SCFD2: variants seen among roughly 807,000 people sequenced by gnomAD.
SCFD2 encodes the protein sec1 family domain containing 2, also known as sec1 family domain-containing protein 2.
SCFD2 carries 54 observed loss-of-function variants against 58.9 expected under a neutral mutation model. The observed-to-expected ratio is 0.92, with a 90% CI of 0.74 to 1.15. SCFD2 has a LOEUF of 1.15. Ranked by LOEUF, SCFD2 falls within the 50% of genes most tolerant of loss-of-function variation. The pLI, the probability that SCFD2 is intolerant of heterozygous loss-of-function variation, is 0.00. For synonymous variants in SCFD2, 321 were observed against 335.9 expected (o/e 0.96, Z 0.49); for missense variants, 805 against 836.6 (o/e 0.96, Z 0.47).
chr4:53,173,610 A>G (rs566964568), intron 4 of SCFD2, among the ~76,000 whole-genome samples: 1 of 152,290 alleles, frequency 6.6e-6, no homozygotes, highest in African/African-American at 2.4e-5. Context: ...AGGACTTAAT[A>G]CTGCCACTTT....
At chr4:53,118,894 T>TG (rs1725397295) in intron 5 of SCFD2, among the ~76,000 whole-genome samples, 1 of 152,084 alleles carries the variant, frequency 6.6e-6, no homozygotes, top group South Asian at 2.1e-4. Flanking sequence ...CCATATCACA[T>TG]GGGGGAACAA....
At chr4:53,343,234 G>A (rs933501711) in intron 2 of SCFD2, among the ~76,000 whole-genome samples, 1 of 151,916 alleles carries the variant, frequency 6.6e-6, no homozygotes, top group African/African-American at 2.4e-5. Context: ...AAAGAGAGAA[G>A]AATCAAATAG....
At position 53,310,234 on chromosome 4, in the gene SCFD2, A is replaced by G. The variant is rs78223183; in HGVS notation, c.1135+3402T>C. 6.9e-3 allele frequency among the ~76,000 whole-genome samples: 1,052 copies of G among 152,360 alleles called. 16 individuals carry two copies. The highest frequency in any genetic ancestry group is 0.025 in the African/African-American group (1,019 of 41,588). On this transcript the variant is annotated intron_variant, in intron 3 of 8. Coordinates refer to ENST00000401642, the MANE Select transcript of SCFD2 (RefSeq NM_152540.4). ...TAATAAAGAAACAGAGGCATCAAGC[A>G]TAGAACACTCTTTCAAGAACTCTGG...
intron 5 of SCFD2, among the ~76,000 whole-genome samples, chr4:53,126,620 A>G (rs775180283): frequency 4.3e-4 from 66 of 152,204 alleles, no homozygotes; most frequent in Non-Finnish European, 8.1e-4. Context: ...CCATCCTCAC[A>G]CCGGTTTTTA....
intron 4 of SCFD2, among the ~76,000 whole-genome samples, chr4:53,243,470 C>T (rs1207274208): frequency 6.6e-6 from 1 of 151,954 alleles, no homozygotes; most frequent in Non-Finnish European, 1.5e-5. Context: ...ACAAGAATAT[C>T]TGAAAAAAAC....
intron 3 of SCFD2, among the ~76,000 whole-genome samples, chr4:53,306,696 C>T (rs1036808330): frequency 6.6e-6 from 1 of 152,136 alleles, no homozygotes; most frequent in African/African-American, 2.4e-5. Context: ...GATCCACACA[C>T]ACTTAACTAT....
chr4:53,106,694 C>T (rs1725013142), intron 5 of SCFD2, among the ~76,000 whole-genome samples: 1 of 152,034 alleles, frequency 6.6e-6, no homozygotes, highest in South Asian at 2.1e-4. Context: ...ACAAACAAAG[C>T]CTCCAAGGAA....
chr4:53,349,356 C>T (rs1734148856), intron 2 of SCFD2, among the ~76,000 whole-genome samples: 1 of 152,216 alleles, frequency 6.6e-6, no homozygotes. Flanking sequence ...ACATGACGTC[C>T]AAACATCGTG....
At chr4:53,086,274 T>C (rs573398270) in intron 5 of SCFD2, among the ~76,000 whole-genome samples, 2 of 152,232 alleles carry the variant, frequency 1.3e-5, no homozygotes, top group Admixed American at 1.3e-4. Context: ...AACAGGCACA[T>C]GAAAAGGTGT....
chr4:53,253,633 G>A lies in SCFD2; in HGVS notation c.1311+20193C>T, dbSNP rs180735588. 3.0e-4 allele frequency among the ~76,000 whole-genome samples: 45 copies of A among 149,780 alleles called. 1 individual carries two copies. Among genetic ancestry groups the A allele is most frequent in the African/African-American group, 6.6e-4 (27 of 40,744 alleles). ...AAATCATCATTCTCAGTAAACTATC[G>A]CAAGAACAAAAAACCAAACACCACA... is the stretch of plus-strand genomic sequence containing the variant. On this transcript the variant is annotated intron_variant, in intron 4 of 8. Coordinates refer to ENST00000401642, the MANE Select transcript of SCFD2 (RefSeq NM_152540.4).
chr4:53,302,463 A>G (rs1653402170), intron 3 of SCFD2, among the ~76,000 whole-genome samples: 1 of 152,208 alleles, frequency 6.6e-6, no homozygotes, highest in South Asian at 2.1e-4. Flanking sequence ...ACACAAACAA[A>G]TGGAAGAACA....
rs974899008 is a variant in SCFD2 at position 53,072,942 on chromosome 4, G to C, written c.1561+72391C>G. Among the ~76,000 whole-genome samples the C allele has an allele frequency of 2.3e-4, 35 of 152,030 alleles. 1 individual carries two copies. Among genetic ancestry groups the C allele is most frequent in the Admixed American group, 1.9e-3 (29 of 15,238 alleles). ...TTCATTAGTCCCTGAGATGTCCAGG[G>C]CTACCCTCACTTTTATGTCCTTTGA... On this transcript the variant is annotated intron_variant, in intron 5 of 8. Transcript: ENST00000401642.
chr4:53,188,701 T>C (rs1031187961), intron 4 of SCFD2, among the ~76,000 whole-genome samples: 4 of 152,270 alleles, frequency 2.6e-5, no homozygotes, highest in African/African-American at 9.6e-5. Flanking sequence ...TATTAACTCA[T>C]GCCTTTTCAA....
intron 5 of SCFD2, among the ~76,000 whole-genome samples, chr4:53,141,668 A>C (rs1174160240): frequency 9.9e-6 from 1 of 101,292 alleles, no homozygotes; most frequent in Non-Finnish European, 2.0e-5. Context: ...ACATTAAATC[A>C]GTTAGAACTC....
chr4:52,974,234 C>G (rs1052277812), intron 5 of SCFD2, among the ~76,000 whole-genome samples: 4 of 152,192 alleles, frequency 2.6e-5, no homozygotes, highest in African/African-American at 9.6e-5. Flanking sequence ...CAAATTGTCC[C>G]TGTTTGCAGA....
chr4:53,340,140 C>A (rs1577984315), intron 2 of SCFD2, among the ~76,000 whole-genome samples: 1 of 152,244 alleles, frequency 6.6e-6, no homozygotes, highest in African/African-American at 2.4e-5. Flanking sequence ...GTGCAGCCCA[C>A]CGAGCGACAG....
intron 8 of SCFD2, among the ~76,000 whole-genome samples, chr4:52,878,212 G>A (rs1044830776): frequency 2.0e-5 from 3 of 152,180 alleles, no homozygotes; most frequent in Admixed American, 2.0e-4. Flanking sequence ...ACACATAGCA[G>A]GTCTTTGATT....
intron 2 of SCFD2, among the ~76,000 whole-genome samples, chr4:53,328,972 G>C (rs1183424264): frequency 1.3e-5 from 2 of 152,258 alleles, no homozygotes; most frequent in Non-Finnish European, 2.9e-5. Context: ...CCGAGTCAAA[G>C]AAAGGGGTGA....
At chr4:53,092,185 T>C (rs996202788) in intron 5 of SCFD2, among the ~76,000 whole-genome samples, 2 of 152,198 alleles carry the variant, frequency 1.3e-5, no homozygotes, top group African/African-American at 2.4e-5. Context: ...GCTAGAAGCA[T>C]ATATACAGGA....
Sources: allele counts gnomAD v4.1 joint callset (sites outside exome capture counted in the v4.1 genomes callset), GRCh38; gene constraint gnomAD v4.1.1; transcripts MANE v1.5; gene names NCBI Gene and HGNC (gene_info 2026-07-23, HGNC 2026-07-21).